KCNH8: variants seen among roughly 807,000 people sequenced by gnomAD.
The protein encoded by KCNH8 is voltage-gated delayed rectifier potassium channel KCNH8.
KCNH8 carries 70 observed loss-of-function variants against 103.6 expected under a neutral mutation model. The ratio of observed to expected loss-of-function variants is 0.68; its 90% CI spans 0.56 to 0.82. The LOEUF is 0.82. Ranked by LOEUF, KCNH8 falls within the 40% of genes least tolerant of loss-of-function variation. The pLI is 0.00. For synonymous variants in KCNH8, 498 were observed against 489.4 expected (o/e 1.02, Z -0.23); for missense variants, 1,217 against 1,329.9 (o/e 0.92, Z 1.32).
chr3:19,364,056 T>G (rs976681395), intron 5 of KCNH8, among the ~76,000 whole-genome samples: 2 of 152,100 alleles, frequency 1.3e-5, no homozygotes, highest in African/African-American at 2.4e-5. Flanking sequence ...TAACATCCAT[T>G]CGTCTCTTAG....
At chr3:19,525,974 G>C (rs2069056861) in intron 15 of KCNH8, among the ~76,000 whole-genome samples, 1 of 151,936 alleles carries the variant, frequency 6.6e-6, no homozygotes, top group South Asian at 2.1e-4. Context: ...ACACAAGAAT[G>C]AAATTATGCC....
At chr3:19,330,140 A>G (rs545145842) in intron 3 of KCNH8, among the ~76,000 whole-genome samples, 1 of 152,132 alleles carries the variant, frequency 6.6e-6, no homozygotes, top group Non-Finnish European at 1.5e-5. Flanking sequence ...TGTGTGTAAT[A>G]TTTTTCTCAA....
rs78412378 is a variant in KCNH8, at chr3:19,283,471, A to G, written c.442+2142A>G. 7.0e-3 allele frequency among the ~76,000 whole-genome samples: 1,065 copies of G among 152,292 alleles called. 12 individuals carry two copies. Among genetic ancestry groups the G allele is most frequent in the African/African-American group, 0.024 (991 of 41,566 alleles). On this transcript the variant is annotated intron_variant, in intron 3 of 15. Transcript: ENST00000328405. ...GATTTAATTTTTTGAAATATTTGCT[A>G]GTAAGTCCCTAGATATATTTATCTC...
intron 2 of KCNH8, among the ~76,000 whole-genome samples, chr3:19,256,553 G>A (rs1038827062): frequency 6.6e-6 from 1 of 152,060 alleles, no homozygotes. Context: ...TGAAATATCC[G>A]CTGACTGCAG....
intron 1 of KCNH8, among the ~76,000 whole-genome samples, chr3:19,203,224 A>T (rs75191471): frequency 0.12 from 18,974 of 152,076 alleles, 3,892 homozygotes; most frequent in African/African-American, 0.43. Flanking sequence ...ATATCTTGAG[A>T]AATGGGAAGG....
chr3:19,403,080 A>G (rs569254140), intron 7 of KCNH8, among the ~76,000 whole-genome samples: 9 of 151,810 alleles, frequency 5.9e-5, no homozygotes, highest in Non-Finnish European at 1.3e-4. Flanking sequence ...GTTTTCTCTC[A>G]AAAGATCTTA....
chr3:19,260,966 T>TAATA, intron 2 of KCNH8, among the ~76,000 whole-genome samples: 1 of 122,586 alleles, frequency 8.2e-6, no homozygotes. Context: ...TGAATAATAT[T>TAATA]CATATATATA....
chr3:19,403,361 A>AATATATATATAT (rs57523893), intron 7 of KCNH8, among the ~76,000 whole-genome samples: 1,951 of 123,894 alleles, frequency 0.016, 31 homozygotes, highest in Non-Finnish European at 0.023. Context: ...ATATGTAAAG[A>AATATATATATAT]ATATATATAT....
Position 19,510,374 on chromosome 3 carries a change from A to T in KCNH8, c.2052A>T (p.Arg684Ser). The part of the protein sequence containing the change: ...REGHESDVIS[R>S]LSNKSMVSQS... Reference sequence around the variant, plus strand: ...GTTTGTTCTTTCAGGTGATATCAAGACTATCAAACAAATCTATGGTCTCAC... The same window carrying T: ...GTTTGTTCTTTCAGGTGATATCAAGTCTATCAAACAAATCTATGGTCTCAC... Residue 684 changes from arginine to serine, a missense_variant, in exon 12 of 16, where the codon AGA becomes AGT. Coordinates refer to ENST00000328405, the MANE Select transcript of KCNH8 (RefSeq NM_144633.3). The T allele has an allele frequency of 6.3e-7, 1 of 1,582,156 alleles. No homozygotes were observed. Among genetic ancestry groups the T allele is most frequent in the Non-Finnish European group, 8.7e-7 (1 of 1,151,074 alleles).
At chr3:19,423,008 A>G (rs2066973276) in intron 7 of KCNH8, among the ~76,000 whole-genome samples, 1 of 152,154 alleles carries the variant, frequency 6.6e-6, no homozygotes, top group African/African-American at 2.4e-5. Context: ...CCTTAACAAT[A>G]TTTATAATTG....
At chr3:19,193,712 G>A (rs959717764) in intron 1 of KCNH8, among the ~76,000 whole-genome samples, 7 of 151,706 alleles carry the variant, frequency 4.6e-5, no homozygotes, top group Non-Finnish European at 7.4e-5. Flanking sequence ...TAAGTACTGA[G>A]TATTAAATTG....
intron 7 of KCNH8, among the ~76,000 whole-genome samples, chr3:19,432,920 C>G (rs2067143902): frequency 6.6e-6 from 1 of 152,124 alleles, no homozygotes. Context: ...TCTTTCTCTT[C>G]TTAGAATCAA....
At chr3:19,192,249 T>G (rs2063560196) in intron 1 of KCNH8, among the ~76,000 whole-genome samples, 1 of 151,748 alleles carries the variant, frequency 6.6e-6, no homozygotes, top group Non-Finnish European at 1.5e-5. Context: ...CTGGCACTTT[T>G]GCCCACTCTT....
chr3:19,424,983 T>TACAC (rs552536520), intron 7 of KCNH8, among the ~76,000 whole-genome samples: 1 of 151,444 alleles, frequency 6.6e-6, no homozygotes, highest in East Asian at 1.9e-4. Context: ...GTTTCCCTGT[T>TACAC]ACACACACAC....
intron 1 of KCNH8, among the ~76,000 whole-genome samples, chr3:19,159,430 G>A (rs1327577900): frequency 6.6e-6 from 1 of 151,834 alleles, no homozygotes; most frequent in Non-Finnish European, 1.5e-5. Context: ...TATATTATTT[G>A]ACTTTGGTAA....
At chr3:19,373,753 T>C (rs1271580348) in intron 5 of KCNH8, among the ~76,000 whole-genome samples, 2 of 151,916 alleles carry the variant, frequency 1.3e-5, no homozygotes, top group Non-Finnish European at 2.9e-5. Flanking sequence ...TTTAGTGCTA[T>C]AAATTTCCCT....
chr3:19,460,862 G>A (rs2067614100), intron 11 of KCNH8, among the ~76,000 whole-genome samples: 1 of 152,056 alleles, frequency 6.6e-6, no homozygotes, highest in African/African-American at 2.4e-5. Flanking sequence ...GTTTCATAAG[G>A]GGCTTCCCCT....
chr3:19,478,333 A>C (rs2068018915), intron 11 of KCNH8, among the ~76,000 whole-genome samples: 1 of 151,984 alleles, frequency 6.6e-6, no homozygotes, highest in East Asian at 1.9e-4. Context: ...TGGTGGTACT[A>C]TTTTTAGTTT....
intron 1 of KCNH8, among the ~76,000 whole-genome samples, chr3:19,170,743 T>TACACACACACATATATATAC (rs542651184): frequency 8.8e-6 from 1 of 113,956 alleles, no homozygotes; most frequent in African/African-American, 3.6e-5. Context: ...CACATATATA[T>TACACACACACATATATATAC]ACACACACAT....
Sources: gnomAD v4.1 joint callset for allele counts (sites outside exome capture counted in the v4.1 genomes callset) on GRCh38, gnomAD v4.1.1 for gene constraint, MANE v1.5 for transcripts, NCBI Gene and HGNC (gene_info 2026-07-23, HGNC 2026-07-21) for gene names.